KCNG3: variants seen among roughly 807,000 people sequenced by gnomAD.
KCNG3 encodes the protein potassium voltage-gated channel modifier subfamily G member 3.
A neutral mutation model predicts 29.0 loss-of-function variants in KCNG3; 15 were observed. That is an observed-to-expected ratio of 0.52 (90% CI 0.35 to 0.80). The LOEUF is 0.80. Ranked by LOEUF, KCNG3 falls within the 30% of genes least tolerant of loss-of-function variation. The pLI, the probability that KCNG3 is intolerant of heterozygous loss-of-function variation, is 0.01. For synonymous variants in KCNG3, 322 were observed against 248.9 expected, an observed-to-expected ratio of 1.29 and a Z score of -2.76; for missense variants, 512 against 605.7, an observed-to-expected ratio of 0.85 and a Z score of 1.62.
the KCNG3 span, among the ~76,000 whole-genome samples, chr2:42,391,412 A>C: frequency 6.6e-6 from 1 of 152,226 alleles, no homozygotes; most frequent in East Asian, 1.9e-4. Flanking sequence ...AGCTTGCAAC[A>C]GCATCCTTAA....
At chr2:42,471,380 T>C (rs889104714) in intron 1 of KCNG3, among the ~76,000 whole-genome samples, 2 of 152,010 alleles carry the variant, frequency 1.3e-5, no homozygotes, top group African/African-American at 4.8e-5. Context: ...ATAAACTAAG[T>C]GAAAGCAGCC....
the KCNG3 span, among the ~76,000 whole-genome samples, chr2:42,395,582 C>T: frequency 6.6e-6 from 1 of 152,158 alleles, no homozygotes; most frequent in Admixed American, 6.5e-5. Context: ...GGATTGTATG[C>T]ATAAGCACTG....
intron 1 of KCNG3, among the ~76,000 whole-genome samples, chr2:42,460,559 T>A (rs976253764): frequency 2.0e-5 from 3 of 152,178 alleles, no homozygotes; most frequent in African/African-American, 4.8e-5. Context: ...CAGAAGAAGA[T>A]AAGTTTTTCT....
chr2:42,392,975 T>A, the KCNG3 span, among the ~76,000 whole-genome samples: 1 of 152,160 alleles, frequency 6.6e-6, no homozygotes, highest in Admixed American at 6.6e-5. Context: ...TTCAGCTATG[T>A]TGATGCAGTT....
chr2:42,439,587 TA>T (rs559704421), downstream of KCNG3, among the ~76,000 whole-genome samples: 219 of 122,562 alleles, frequency 1.8e-3, no homozygotes, highest in Admixed American at 2.2e-3. Flanking sequence ...ATTCAAACGT[TA>T]AAAAAAAAAA....
At chr2:42,416,163 A>T in the KCNG3 span, among the ~76,000 whole-genome samples, 1 of 152,106 alleles carries the variant, frequency 6.6e-6, no homozygotes, top group Non-Finnish European at 1.5e-5. Context: ...GTGAGCTGAG[A>T]TCATGCCACT....
At chr2:42,481,752 T>G (rs1044270490) in intron 1 of KCNG3, among the ~76,000 whole-genome samples, 1 of 152,090 alleles carries the variant, frequency 6.6e-6, no homozygotes, top group Non-Finnish European at 1.5e-5. Flanking sequence ...GCCTCAGGGA[T>G]TGGTTTGTGC....
At chr2:42,430,492 G>A in the KCNG3 span, among the ~76,000 whole-genome samples, 14 of 151,840 alleles carry the variant, frequency 9.2e-5, no homozygotes, top group South Asian at 6.2e-4. Flanking sequence ...GCTCATGCCC[G>A]TAATCCCAGC....
chr2:42,480,670 A>G (rs1673559250), intron 1 of KCNG3, among the ~76,000 whole-genome samples: 1 of 152,038 alleles, frequency 6.6e-6, no homozygotes, highest in Non-Finnish European at 1.5e-5. Context: ...CAAAATGTAA[A>G]AACCATAACT....
At chr2:42,491,377 C>G (rs558540617) in intron 1 of KCNG3, among the ~76,000 whole-genome samples, 4 of 152,202 alleles carry the variant, frequency 2.6e-5, no homozygotes, top group African/African-American at 9.6e-5. Flanking sequence ...CCCTCATTAT[C>G]TGCACTAATA....
intron 1 of KCNG3, among the ~76,000 whole-genome samples, chr2:42,446,230 G>A (rs1430975386): frequency 6.6e-6 from 1 of 151,742 alleles, no homozygotes; most frequent in Admixed American, 6.6e-5. Flanking sequence ...AGGCTGGAGT[G>A]CAGTGGCACA....
chr2:42,394,221 T>G, the KCNG3 span, among the ~76,000 whole-genome samples: 3 of 152,172 alleles, frequency 2.0e-5, no homozygotes, highest in Admixed American at 6.5e-5. Context: ...AGGGGAAGCT[T>G]GGAAGCTCTT....
At chr2:42,448,530 C>A (rs1213793450) in intron 1 of KCNG3, among the ~76,000 whole-genome samples, 4 of 151,990 alleles carry the variant, frequency 2.6e-5, no homozygotes, top group Non-Finnish European at 4.4e-5. Context: ...AAGTTCAGAA[C>A]TTCACTCAGG....
intron 1 of KCNG3, chr2:42,469,715 T>C (rs13030483): frequency 0.27 from 40,792 of 153,370 alleles, 6,189 homozygotes; most frequent in East Asian, 0.58. Flanking sequence ...TTGGATATTT[T>C]CTCAGACAAG....
At chr2:42,467,309 A>G (rs1558382284) in intron 1 of KCNG3, among the ~76,000 whole-genome samples, 1 of 152,186 alleles carries the variant, frequency 6.6e-6, no homozygotes, top group African/African-American at 2.4e-5. Context: ...CCAAGCATGA[A>G]TAATTCCTAT....
intron 1 of KCNG3, among the ~76,000 whole-genome samples, chr2:42,453,279 G>A (rs1259734457): frequency 6.6e-6 from 1 of 152,192 alleles, no homozygotes; most frequent in Non-Finnish European, 1.5e-5. Flanking sequence ...CCTCCAAACT[G>A]TTCTCCATAG....
At chr2:42,453,783 T>C (rs759869680) in intron 1 of KCNG3, among the ~76,000 whole-genome samples, 2 of 152,190 alleles carry the variant, frequency 1.3e-5, no homozygotes, top group Non-Finnish European at 2.9e-5. Context: ...AATCTTTGCC[T>C]ACTTGAATGT....
At chr2:42,392,401 G>C in the KCNG3 span, among the ~76,000 whole-genome samples, 1 of 152,042 alleles carries the variant, frequency 6.6e-6, no homozygotes, top group Non-Finnish European at 1.5e-5. Context: ...TCAGGGAGTG[G>C]GTAATGCCAG....
chr2:42,405,029 A>C, the KCNG3 span, among the ~76,000 whole-genome samples: 39 of 152,350 alleles, frequency 2.6e-4, no homozygotes, highest in Middle Eastern at 3.4e-3. Context: ...CCTTCTTCCA[A>C]CCAAATCTCA....
Sources: gnomAD v4.1 joint callset for allele counts (sites outside exome capture counted in the v4.1 genomes callset) on GRCh38, gnomAD v4.1.1 for gene constraint, MANE v1.5 for transcripts, NCBI Gene and HGNC (gene_info 2026-07-23, HGNC 2026-07-21) for gene names.